Variants in CNOT8 observed in about 807,000 individuals in gnomAD.
CNOT8 encodes the protein CCR4-NOT transcription complex subunit 8.
In CNOT8, 18 loss-of-function variants were observed where a neutral mutation model predicts 34.6. The observed-to-expected ratio is 0.52, with a 90% confidence interval of 0.36 to 0.77. CNOT8 has a LOEUF of 0.77. Among genes scored for constraint, CNOT8 ranks in the 30% least tolerant of loss-of-function variants. The pLI, the probability that CNOT8 is intolerant of heterozygous loss-of-function variation, is 0.00. For synonymous variants in CNOT8, 101 were observed against 118.8 expected (o/e 0.85, Z 0.98); for missense variants, 189 against 347.9 (o/e 0.54, Z 3.63).
upstream of CNOT8, chr5:154,858,613 C>T (rs935691090): frequency 6.6e-6 from 1 of 152,200 alleles, no homozygotes; most frequent in Non-Finnish European, 1.5e-5. Context: ...CGGGGGCGCT[C>T]ACCTCACTGG....
upstream of CNOT8, chr5:154,858,398 C>T (rs563742586): frequency 6.6e-6 from 1 of 152,372 alleles, no homozygotes; most frequent in African/African-American, 2.4e-5. Flanking sequence ...GTTACTTCTG[C>T]TCCTGCGCGC....
At chr5:154,870,008 T>G (rs1762320648) in intron 3 of CNOT8, among the ~76,000 whole-genome samples, 1 of 152,242 alleles carries the variant, frequency 6.6e-6, no homozygotes, top group South Asian at 2.1e-4. Flanking sequence ...TCTGCCTGTC[T>G]CAGCCTCCCA....
At chr5:154,867,036 G>T (rs535385182) in intron 3 of CNOT8, among the ~76,000 whole-genome samples, 1 of 152,124 alleles carries the variant, frequency 6.6e-6, no homozygotes, top group African/African-American at 2.4e-5. Flanking sequence ...TTAATTTAGT[G>T]GAAAAAAATC....
chr5:154,865,076 G>C, intron 2 of CNOT8, 116 bp from the exon 3 acceptor site: 1 of 904,996 alleles, frequency 1.1e-6, no homozygotes, highest in South Asian at 1.8e-5. Context: ...TTGTGCCCAA[G>C]TTTGGGGCTT....
rs1176080918 is a variant in CNOT8 at position 154,874,542 on chromosome 5, CTT to C, written c.730-744_730-743del. Among the ~76,000 whole-genome samples, 8 of 151,904 alleles carry C rather than the reference CTT, an allele frequency of 5.3e-5. No individual in the cohort carries two copies. The South Asian group carries it at 1.7e-3, about 32-fold the overall frequency. ...AGTGAGTGAAACCCTGTCTCTTTTT[CTT>C]TTTCTTTCGAGACGGAGTCTTGCAT... On this transcript the variant is annotated intron_variant, in intron 6 of 6. Coordinates refer to ENST00000285896, the MANE Select transcript of CNOT8 (RefSeq NM_001301073.2).
At chr5:154,859,366 A>G (rs1761105157) in intron 1 of CNOT8, 1 of 152,118 alleles carries the variant, frequency 6.6e-6, no homozygotes, top group Non-Finnish European at 1.5e-5. Context: ...TTGCGGCCCC[A>G]TAACTTTTTC....
chr5:154,862,423 G>A lies in CNOT8; in HGVS notation c.-72-784G>A, dbSNP rs190947334. On this transcript the variant is annotated intron_variant, in intron 1 of 6. Coordinates refer to ENST00000285896, the MANE Select transcript of CNOT8 (RefSeq NM_001301073.2). ...AGGCAAAGGTTGCAGTGAGCCAAGA[G>A]TGCACCACTGCACTCTAGCCTGGGC... is the stretch of plus-strand genomic sequence containing the variant. 2.8e-3 allele frequency among the ~76,000 whole-genome samples: 429 copies of A among 151,710 alleles called. 2 individuals are homozygous for A. The highest frequency in any genetic ancestry group is 9.7e-3 in the African/African-American group (401 of 41,338).
intron 1 of CNOT8, among the ~76,000 whole-genome samples, chr5:154,862,482 GTAAATAC>G (rs1761447331): frequency 1.3e-5 from 2 of 151,772 alleles, no homozygotes; most frequent in African/African-American, 4.8e-5. Context: ...AAAAAAAAAA[GTAAATAC>G]TAACTAAAAT....
At chr5:154,860,342 G>A (rs1233037785) in intron 1 of CNOT8, among the ~76,000 whole-genome samples, 2 of 152,114 alleles carry the variant, frequency 1.3e-5, no homozygotes, top group Admixed American at 6.6e-5. Context: ...TTGCTCAGTC[G>A]CTGAGGCTGG....
chr5:154,870,873 C>T (rs145069230), intron 4 of CNOT8, 51 bp downstream of exon 4: 1 of 1,486,402 alleles, frequency 6.7e-7, no homozygotes, highest in Non-Finnish European at 9.2e-7. Context: ...TACACTGAAG[C>T]AGGGAATTGA....
chr5:154,872,324 T>C (rs1762562754), intron 5 of CNOT8, among the ~76,000 whole-genome samples: 1 of 152,082 alleles, frequency 6.6e-6, no homozygotes, highest in African/African-American at 2.4e-5. Context: ...TCTGGAAAAA[T>C]TAACAACATG....
rs766348660 is a variant in CNOT8, at chr5:154,871,850, G to C, written c.594G>C (p.Leu198=). The C allele has an allele frequency of 1.2e-5, 19 of 1,613,208 alleles. No homozygotes were observed. The highest frequency in any genetic ancestry group is 2.2e-5 in the South Asian group (2 of 90,948). Residue 198 remains leucine, a synonymous_variant, in exon 5 of 7, where the codon CTG becomes CTC. Coordinates refer to ENST00000285896, the MANE Select transcript of CNOT8 (RefSeq NM_001301073.2). ...FFPSIYDVKY[L]MKSCKNLKGG... Reference sequence around the variant, plus strand: ...CATCCATTTATGATGTGAAATACCTGATGAAGAGCTGCAAAAATCTTAAGG... The same window carrying C: ...CATCCATTTATGATGTGAAATACCTCATGAAGAGCTGCAAAAATCTTAAGG...
intron 6 of CNOT8, among the ~76,000 whole-genome samples, chr5:154,874,980 G>A (rs1052571201): frequency 6.6e-6 from 1 of 151,052 alleles, no homozygotes; most frequent in Non-Finnish European, 1.5e-5. Flanking sequence ...GCAGTGGTAC[G>A]GCCTTGGCCC....
chr5:154,873,208 A>G (rs1462291224), intron 6 of CNOT8, among the ~76,000 whole-genome samples: 7 of 152,248 alleles, frequency 4.6e-5, no homozygotes, highest in African/African-American at 7.2e-5. Context: ...GCCCAGCCAC[A>G]TAGACTGTTT....
intron 1 of CNOT8, among the ~76,000 whole-genome samples, chr5:154,860,673 A>G (rs1761247154): frequency 6.6e-6 from 1 of 152,168 alleles, no homozygotes; most frequent in Admixed American, 6.5e-5. Context: ...TTGACTTGCT[A>G]AATTAAATGT....
At chr5:154,869,947 C>T (rs554206718) in intron 3 of CNOT8, among the ~76,000 whole-genome samples, 1 of 152,070 alleles carries the variant, frequency 6.6e-6, no homozygotes, top group Non-Finnish European at 1.5e-5. Context: ...TTGGTAGAGA[C>T]AGGGTTTCAC....
At chr5:154,864,226 C>T (rs1761639447) in intron 2 of CNOT8, among the ~76,000 whole-genome samples, 1 of 152,102 alleles carries the variant, frequency 6.6e-6, no homozygotes, top group Admixed American at 6.6e-5. Context: ...TTTGGGAGGC[C>T]GAGACGGGCG....
intron 1 of CNOT8, 97 bp from the exon 2 acceptor site, chr5:154,863,110 A>G: frequency 1.7e-6 from 1 of 585,204 alleles, no homozygotes; most frequent in Non-Finnish European, 3.1e-6. Flanking sequence ...GTTTTAAACT[A>G]ATGAAGTGAT....
intron 3 of CNOT8, among the ~76,000 whole-genome samples, chr5:154,868,263 C>CTTTTTTTTTTTTTTTTTT (rs200482243): frequency 7.9e-6 from 1 of 127,258 alleles, no homozygotes; most frequent in Non-Finnish European, 1.6e-5. Flanking sequence ...TTTTTCTTTT[C>CTTTTTTTTTTTTTTTTTT]TTTTCTTTTT....
Sources: allele counts gnomAD v4.1 joint callset (sites outside exome capture counted in the v4.1 genomes callset), GRCh38; gene constraint gnomAD v4.1.1; transcripts MANE v1.5; gene names NCBI Gene and HGNC (gene_info 2026-07-23, HGNC 2026-07-21).